SYN3: variants seen among roughly 807,000 people sequenced by gnomAD.
SYN3 encodes the protein synapsin III.
A neutral mutation model predicts 65.8 loss-of-function variants in SYN3; 35 were observed. That is an observed-to-expected ratio of 0.53 (90% CI 0.41 to 0.70). SYN3 has a LOEUF of 0.70. Ranked by LOEUF, SYN3 falls within the 30% of genes least tolerant of loss-of-function variation. The pLI is 0.00. For missense variants in SYN3, 680 were observed against 749.0 expected (o/e 0.91, Z 1.08); for synonymous variants, 270 against 292.9 (o/e 0.92, Z 0.80).
chr22:32,851,449 A>C (rs2048215330), intron 6 of SYN3, among the ~76,000 whole-genome samples: 1 of 152,078 alleles, frequency 6.6e-6, no homozygotes, highest in South Asian at 2.1e-4. Context: ...TTAGAGACCA[A>C]ACAACACTTG....
chr22:32,552,494 C>T (rs1601618498), intron 7 of SYN3, among the ~76,000 whole-genome samples: 2 of 131,558 alleles, frequency 1.5e-5, no homozygotes, highest in South Asian at 2.4e-4. Flanking sequence ...ATTTTCTCTT[C>T]TTTTGTATAT....
At chr22:32,519,247 T>C (rs1297395626) in intron 12 of SYN3, 1 of 152,192 alleles carries the variant, frequency 6.6e-6, no homozygotes, top group African/African-American at 2.4e-5. Flanking sequence ...TTATCCTACG[T>C]TGAGTAATGA....
rs570586806 is a variant in SYN3, at chr22:32,716,860, A to T, written c.712-120124T>A. On this transcript the variant is annotated intron_variant, in intron 6 of 13. Coordinates refer to ENST00000358763, the MANE Select transcript of SYN3 (RefSeq NM_003490.4). ...TAAAGTGTGGTAACATACATAACAA[A>T]ATTTACCATTTTAAGTATTTTTAAG... Among the ~76,000 whole-genome samples, 3 of 152,112 alleles carry T rather than the reference A, an allele frequency of 2.0e-5. No homozygotes were observed. The East Asian group carries it at 5.8e-4, about 29-fold the overall frequency.
At chr22:32,892,671 T>C (rs188339371) in intron 4 of SYN3, among the ~76,000 whole-genome samples, 9 of 152,304 alleles carry the variant, frequency 5.9e-5, no homozygotes, top group Admixed American at 4.6e-4. Flanking sequence ...ACATATAAAC[T>C]GGATACCACA....
intron 3 of SYN3, among the ~76,000 whole-genome samples, chr22:32,955,605 G>T (rs975874775): frequency 8.6e-5 from 13 of 151,950 alleles, no homozygotes; most frequent in Non-Finnish European, 1.5e-4. Context: ...GTACATTCAT[G>T]GTGTTGTGCA....
intron 6 of SYN3, among the ~76,000 whole-genome samples, chr22:32,796,032 T>C (rs1037990474): frequency 6.6e-6 from 1 of 152,166 alleles, no homozygotes; most frequent in South Asian, 2.1e-4. Flanking sequence ...TGTGTGAAGC[T>C]GAGCATGCAA....
intron 1 of SYN3, chr22:33,015,436 GT>G: frequency 3.5e-6 from 1 of 286,658 alleles, no homozygotes; most frequent in South Asian, 4.5e-5. Context: ...AAACAACGCT[GT>G]TATTCAGATA....
At position 32,509,993 on chromosome 22, in the gene SYN3, G is replaced by A. The variant is rs548994460; in HGVS notation, c.*3699C>T. Among the ~76,000 whole-genome samples, 36 of 152,230 alleles carry A rather than the reference G, an allele frequency of 2.4e-4. No homozygotes were observed. The highest frequency in any genetic ancestry group is 8.2e-4 in the African/African-American group (34 of 41,534). Reference sequence around the variant, plus strand: ...TTTGGAGCTTGGAAGGAGGTTCTGCGGCTGTTGTACACAGATACTGGAGTA... The same window carrying A: ...TTTGGAGCTTGGAAGGAGGTTCTGCAGCTGTTGTACACAGATACTGGAGTA... On this transcript the variant is annotated 3_prime_UTR_variant, in exon 14 of 14. Coordinates refer to ENST00000358763, the MANE Select transcript of SYN3 (RefSeq NM_003490.4).
In SYN3 at chr22:32,534,278, G is replaced by A. The variant is rs575753206; in HGVS notation, c.993-383C>T. On this transcript the variant is annotated intron_variant, in intron 9 of 13. Coordinates refer to ENST00000358763, the MANE Select transcript of SYN3 (RefSeq NM_003490.4). ...TGGGGAGCTTGCCCTGTCCCCATCCGGAGTCATCCTGGACACCCAGCCACC... is the reference window on the plus strand; with the variant it reads ...TGGGGAGCTTGCCCTGTCCCCATCCAGAGTCATCCTGGACACCCAGCCACC... 3.9e-5 allele frequency among the ~76,000 whole-genome samples: 6 copies of A among 152,196 alleles called. No individual in the cohort carries two copies. In the South Asian group the frequency reaches 6.2e-4, roughly 16 times the overall value.
At chr22:32,763,670 T>C (rs1301171704) in intron 6 of SYN3, among the ~76,000 whole-genome samples, 7 of 152,162 alleles carry the variant, frequency 4.6e-5, no homozygotes, top group Admixed American at 3.3e-4. Flanking sequence ...GTGTCTGGAG[T>C]GACTGGGAGT....
rs1191459010 is a variant in SYN3 at position 32,507,820 on chromosome 22, AG to A, written c.*5871del. Among the ~76,000 whole-genome samples, 1 of 152,010 alleles carries A rather than the reference AG, an allele frequency of 6.6e-6. No individual in the cohort carries two copies. The highest frequency in any genetic ancestry group is 1.9e-4 in the East Asian group (1 of 5,180). On this transcript the variant is annotated 3_prime_UTR_variant, in exon 14 of 14. Coordinates refer to ENST00000358763, the MANE Select transcript of SYN3 (RefSeq NM_003490.4). ...TTTCAATTCATACAAAACCATATCC[AG>A]GCCGTCACCAATCATTCTACACAAC...
intron 4 of SYN3, among the ~76,000 whole-genome samples, chr22:32,897,148 C>T (rs1345013480): frequency 6.6e-6 from 1 of 152,166 alleles, no homozygotes; most frequent in Non-Finnish European, 1.5e-5. Context: ...CCTGCCCTAC[C>T]GCTGAGCACC....
intron 7 of SYN3, among the ~76,000 whole-genome samples, chr22:32,545,138 G>T (rs945949896): frequency 1.3e-5 from 2 of 152,220 alleles, no homozygotes; most frequent in African/African-American, 4.8e-5. Context: ...GCTGGCTGGA[G>T]TGTGGACCAT....
At chr22:32,553,210 G>A (rs1023955660) in intron 7 of SYN3, among the ~76,000 whole-genome samples, 2 of 152,102 alleles carry the variant, frequency 1.3e-5, no homozygotes, top group African/African-American at 4.8e-5. Context: ...GGGCTTTACC[G>A]GGGACACAAT....
chr22:32,663,939 C>G (rs77547047), intron 6 of SYN3, among the ~76,000 whole-genome samples: 9 of 152,056 alleles, frequency 5.9e-5, no homozygotes, highest in Admixed American at 1.3e-4. Context: ...ATTCCCCCCC[C>G]ACACTGCACA....
At chr22:32,772,264 C>CT (rs11398597) in intron 6 of SYN3, among the ~76,000 whole-genome samples, 39,974 of 135,834 alleles carry the variant, frequency 0.29, 6,137 homozygotes, top group East Asian at 0.4. Flanking sequence ...TTTTTCTTTT[C>CT]TTTTTTTTTT....
intron 4 of SYN3, among the ~76,000 whole-genome samples, chr22:32,929,051 G>A (rs982330470): frequency 1.3e-5 from 2 of 152,218 alleles, no homozygotes; most frequent in East Asian, 3.9e-4. Flanking sequence ...GGGAGGCCAA[G>A]GCCGGGGGAT....
intron 6 of SYN3, chr22:32,861,760 C>G (rs756147367): frequency 6.6e-6 from 1 of 152,548 alleles, no homozygotes; most frequent in Non-Finnish European, 1.5e-5. Flanking sequence ...TTTGAGCTTT[C>G]TATAAGCTAT....
chr22:32,564,596 C>G (rs2146370200), intron 7 of SYN3, among the ~76,000 whole-genome samples: 2 of 151,592 alleles, frequency 1.3e-5, no homozygotes, highest in East Asian at 2.0e-4. Flanking sequence ...AAACAGTGCT[C>G]CCGGACTACA....
Sources: gnomAD v4.1 joint callset for allele counts (sites outside exome capture counted in the v4.1 genomes callset) on GRCh38, gnomAD v4.1.1 for gene constraint, MANE v1.5 for transcripts, NCBI Gene and HGNC (gene_info 2026-07-23, HGNC 2026-07-21) for gene names.